Variants in PCDHA8 observed in about 807,000 individuals in gnomAD.
PCDHA8 encodes protocadherin alpha-8.
A neutral mutation model predicts 61.8 loss-of-function variants in PCDHA8; 53 were observed. That is an observed-to-expected ratio of 0.86 (90% CI 0.69 to 1.08). The LOEUF is 1.08. Among genes scored for constraint, PCDHA8 ranks in the 50% least tolerant of loss-of-function variants. PCDHA8 has a pLI of 0.00. For missense variants in PCDHA8, 1,293 were observed against 1,245.0 expected (o/e 1.04, Z -0.58); for synonymous variants, 618 against 556.6 (o/e 1.11, Z -1.55).
At chr5:140,951,948 A>G (rs2153694438) in intron 1 of PCDHA8, among the ~76,000 whole-genome samples, 1 of 152,322 alleles carries the variant, frequency 6.6e-6, no homozygotes, top group South Asian at 2.1e-4. Context: ...GTGCGGGTAC[A>G]GGCATTGGGT....
chr5:140,982,362 A>ATTCTGCTC, intron 2 of PCDHA8, 113 bp from the exon 3 acceptor site: 1 of 1,531,968 alleles, frequency 6.5e-7, no homozygotes, highest in Non-Finnish European at 8.8e-7. Context: ...GCATGAGCAG[A>ATTCTGCTC]ATGTGTTAGC....
intron 1 of PCDHA8, chr5:140,927,163 GC>G: frequency 6.2e-7 from 1 of 1,614,176 alleles, no homozygotes; most frequent in East Asian, 2.2e-5. Flanking sequence ...CAGGGCCAAA[GC>G]TGCCTGCGTC....
At chr5:140,857,110 G>C in intron 1 of PCDHA8, 1 of 1,597,820 alleles carries the variant, frequency 6.3e-7, no homozygotes. Flanking sequence ...TCACTTCTCT[G>C]TCTCTCCCAG....
intron 1 of PCDHA8, chr5:140,877,884 C>T: frequency 6.8e-7 from 1 of 1,465,050 alleles, no homozygotes; most frequent in Non-Finnish European, 9.0e-7. Context: ...CCTTGAAGAA[C>T]TTCCGTTTAG....
At chr5:140,858,366 G>A (rs2045372675) in intron 1 of PCDHA8, 1 of 1,590,834 alleles carries the variant, frequency 6.3e-7, no homozygotes, top group Admixed American at 1.7e-5. Flanking sequence ...TTCAGCCCCA[G>A]CCTTCCACCA....
chr5:140,930,377 T>C (rs1480359985), intron 1 of PCDHA8: 1 of 152,198 alleles, frequency 6.6e-6, no homozygotes, highest in Non-Finnish European at 1.5e-5. Flanking sequence ...TAGTGGCCCT[T>C]GGCATTTCAA....
intron 1 of PCDHA8, among the ~76,000 whole-genome samples, chr5:140,898,172 G>A (rs1262400829): frequency 2.6e-5 from 4 of 152,162 alleles, no homozygotes; most frequent in African/African-American, 9.7e-5. Context: ...TTCTTTTGCT[G>A]TGCAGAAGCT....
At chr5:140,887,976 TA>T (rs1462545504) in intron 1 of PCDHA8, among the ~76,000 whole-genome samples, 1 of 152,256 alleles carries the variant, frequency 6.6e-6, no homozygotes, top group African/African-American at 2.4e-5. Context: ...TTTTAAAATT[TA>T]TTTTACATGT....
In PCDHA8 at chr5:140,952,684, C is replaced by T. The variant is rs1165956619; in HGVS notation, c.2395-26265C>T. On this transcript the variant is annotated intron_variant, in intron 1 of 3. Coordinates refer to ENST00000531613, the MANE Select transcript of PCDHA8 (RefSeq NM_018911.3). The stretch of plus-strand genomic sequence containing the variant: ...AAAGTCACTTTCACATTTTCAGGAT[C>T]TTTATAGCAATATCCCACTCTCAGT... Among the ~76,000 whole-genome samples the T allele has an allele frequency of 2.0e-5, 3 of 152,308 alleles. No individual in the cohort carries two copies. The East Asian group carries it at 5.8e-4, about 29-fold the overall frequency.
rs1002466846 is a variant in PCDHA8, at chr5:140,853,169, G to A, written c.2394+9454G>A. The A allele has an allele frequency of 8.3e-6, 8 of 959,586 alleles. No individual in the cohort carries two copies. The African/African-American group carries it at 8.9e-5, about 11-fold the overall frequency. The allele number at this position is 959,586 out of a possible 1,614,324, so 59.4% of individuals were successfully genotyped here. On this transcript the variant is annotated intron_variant, in intron 1 of 3. Coordinates refer to ENST00000531613, the MANE Select transcript of PCDHA8 (RefSeq NM_018911.3). Reference sequence around the variant, plus strand: ...GCTGGGATTACAGGCGTGAGCCACCGCGCCTGGCCTAAAATGTGTTCTTTA... The same window carrying A: ...GCTGGGATTACAGGCGTGAGCCACCACGCCTGGCCTAAAATGTGTTCTTTA...
At chr5:140,927,981 T>C (rs2084836319) in intron 1 of PCDHA8, 2 of 1,614,206 alleles carry the variant, frequency 1.2e-6, no homozygotes, top group Non-Finnish European at 1.7e-6. Flanking sequence ...CTCTCTTTAG[T>C]GTAAAGGATG....
rs1180805331 is a variant in PCDHA8 at position 140,853,371 on chromosome 5, G to C, written c.2394+9656G>C. On this transcript the variant is annotated intron_variant, in intron 1 of 3. Coordinates refer to ENST00000531613, the MANE Select transcript of PCDHA8 (RefSeq NM_018911.3). ...ATGAACTCACAGGGATCCAGAGATGGTAAAATTCAAAACAGCCTGTCAAGT... is the reference window on the plus strand; with the variant it reads ...ATGAACTCACAGGGATCCAGAGATGCTAAAATTCAAAACAGCCTGTCAAGT... 3.0e-6 allele frequency: 3 copies of C among 983,910 alleles called. No homozygotes were observed. In the African/African-American group the frequency reaches 5.3e-5, roughly 17 times the overall value. The allele number at this position is 983,910 out of a possible 1,614,324, so 60.9% of individuals were successfully genotyped here.
chr5:140,926,209 T>A (rs553307318), intron 1 of PCDHA8, among the ~76,000 whole-genome samples: 1 of 152,028 alleles, frequency 6.6e-6, no homozygotes, highest in African/African-American at 2.4e-5. Context: ...GGGGGGCTCC[T>A]GTTTCCTTAA....
intron 1 of PCDHA8, among the ~76,000 whole-genome samples, chr5:140,923,950 C>A (rs544576500): frequency 6.6e-6 from 1 of 152,148 alleles, no homozygotes; most frequent in Non-Finnish European, 1.5e-5. Context: ...TTTTTCCTCA[C>A]GCCCTAATCT....
chr5:140,953,602 CCA>C (rs1246265860), intron 1 of PCDHA8, among the ~76,000 whole-genome samples: 3 of 152,040 alleles, frequency 2.0e-5, no homozygotes, highest in Admixed American at 6.6e-5. Context: ...TGTTTATTCC[CCA>C]GAGTCCTTAG....
intron 1 of PCDHA8, chr5:140,867,501 C>G (rs2049995274): frequency 6.6e-6 from 1 of 151,954 alleles, no homozygotes. Context: ...AAAAGTAGAA[C>G]AAAATCTCAA....
intron 1 of PCDHA8, chr5:140,930,374 C>G (rs549190703): frequency 6.6e-6 from 1 of 151,988 alleles, no homozygotes; most frequent in South Asian, 2.1e-4. Flanking sequence ...TGTTAGTGGC[C>G]CTTGGCATTT....
intron 1 of PCDHA8, chr5:140,856,495 T>C: frequency 6.3e-7 from 1 of 1,598,444 alleles, no homozygotes; most frequent in South Asian, 1.1e-5. Context: ...TGCTTGACTC[T>C]CGATTTCCAC....
rs186780543 is a variant in PCDHA8, at chr5:140,848,623, C to T, written c.2394+4908C>T. On this transcript the variant is annotated intron_variant, in intron 1 of 3. Transcript: ENST00000531613. The stretch of plus-strand genomic sequence containing the variant: ...GTCCCGGAGGAAGCCGAACACGGCA[C>T]CTTCGTGGGCCGCATCGCGCAGGAC... The T allele has an allele frequency of 1.0e-5, 16 of 1,592,746 alleles. 2 individuals carry two copies. The Admixed American group carries it at 1.5e-4, about 15-fold the overall frequency.
Sources: gnomAD v4.1 joint callset for allele counts (sites outside exome capture counted in the v4.1 genomes callset) on GRCh38, gnomAD v4.1.1 for gene constraint, MANE v1.5 for transcripts, NCBI Gene and HGNC (gene_info 2026-07-23, HGNC 2026-07-21) for gene names.